The following OSMR variants were observed in gnomAD, a reference collection of about 807,000 sequenced individuals.
OSMR encodes the protein oncostatin-M-specific receptor subunit beta.
OSMR carries 81 observed loss-of-function variants against 99.9 expected under a neutral mutation model. The ratio of observed to expected loss-of-function variants is 0.81; its 90% confidence interval spans 0.68 to 0.97. The LOEUF (loss-of-function observed/expected upper bound fraction) is 0.97. Ranked by LOEUF, OSMR falls within the 50% of genes least tolerant of loss-of-function variation. The pLI, the probability that OSMR is intolerant of heterozygous loss-of-function variation, is 0.00. For missense variants in OSMR, 1,099 were observed against 1,153.4 expected (o/e 0.95, Z 0.68); for synonymous variants, 406 against 410.4 (o/e 0.99, Z 0.13).
chr5:38,933,228 C>T lies in OSMR; in HGVS notation c.2724C>T (p.Ile908=). The change falls in exon 18 of 18, where the codon ATC becomes ATT. Residue 908 remains isoleucine (I), a synonymous_variant. Transcript: ENST00000274276. ...ACTACATGAACTCCCTGGGAGAAAT[C>T]CCAGCTGGAGAAACAAGTTTGAATT... is the stretch of plus-strand genomic sequence containing the variant. ...EKNYMNSLGE[I]PAGETSLNYV... is the part of the protein sequence containing the mutation. 6.2e-7 allele frequency: 1 copy of T among 1,614,136 alleles called. No homozygotes were observed.
intron 2 of OSMR, among the ~76,000 whole-genome samples, chr5:38,874,873 A>G (rs1272861707): frequency 6.6e-6 from 1 of 152,232 alleles, no homozygotes; most frequent in Non-Finnish European, 1.5e-5. Flanking sequence ...ATTGCATGAG[A>G]CAACATAAGT....
At chr5:38,879,084 G>C (rs534215072) in intron 3 of OSMR, among the ~76,000 whole-genome samples, 1 of 152,200 alleles carries the variant, frequency 6.6e-6, no homozygotes, top group African/African-American at 2.4e-5. Context: ...TATGAGGTTC[G>C]GGTTAGGCCT....
chr5:38,872,907 A>G (rs1742504777), intron 2 of OSMR, among the ~76,000 whole-genome samples: 1 of 152,246 alleles, frequency 6.6e-6, no homozygotes, highest in Admixed American at 6.5e-5. Flanking sequence ...AGGATTATAG[A>G]AACTCAATTT....
At chr5:38,932,674 A>G (rs1746811878) in intron 17 of OSMR, 139 bp downstream of exon 17, 1 of 1,535,132 alleles carries the variant, frequency 6.5e-7, no homozygotes, top group African/African-American at 1.4e-5. Context: ...CACAGCCATG[A>G]AATAGGTGAT....
intron 2 of OSMR, chr5:38,944,433 A>G (rs181493272): frequency 6.3e-7 from 1 of 1,592,058 alleles, no homozygotes; most frequent in Admixed American, 1.9e-5. Flanking sequence ...ACTCATGCAC[A>G]TAGTTTACTC....
At chr5:38,904,615 G>C (rs557299219) in intron 9 of OSMR, 112 bp downstream of exon 9, 1 of 1,311,354 alleles carries the variant, frequency 7.6e-7, no homozygotes, top group African/African-American at 1.5e-5. Flanking sequence ...TTTAAACAGA[G>C]GCGGGGTAGC....
downstream of OSMR, chr5:38,938,999 C>T (rs1747248757): frequency 4.3e-6 from 1 of 232,962 alleles, no homozygotes; most frequent in Non-Finnish European, 8.5e-6. Context: ...AACCTTACTT[C>T]CAAAGAACAT....
At chr5:38,911,604 A>G (rs1351160369) in intron 9 of OSMR, among the ~76,000 whole-genome samples, 1 of 152,208 alleles carries the variant, frequency 6.6e-6, no homozygotes, top group East Asian at 1.9e-4. Flanking sequence ...TCAGAGACAC[A>G]ACAAAAAGAG....
intron 7 of OSMR, among the ~76,000 whole-genome samples, chr5:38,891,462 A>G: frequency 6.6e-6 from 1 of 152,224 alleles, no homozygotes. Flanking sequence ...CAGGATTTAC[A>G]AAGGAGGCAG....
intron 7 of OSMR, among the ~76,000 whole-genome samples, chr5:38,902,954 T>G (rs1177126284): frequency 4.6e-5 from 7 of 152,000 alleles, no homozygotes; most frequent in Non-Finnish European, 1.0e-4. Flanking sequence ...ATTCTCGGGG[T>G]GTATGTGTGG....
Position 38,932,867 on chromosome 5 carries a change from T to C in OSMR, c.2368-5T>C, listed in dbSNP as rs746504995. 8 of 1,613,692 alleles carry C rather than the reference T, an allele frequency of 5.0e-6. No homozygotes were observed. The South Asian group carries it at 7.7e-5, about 16-fold the overall frequency. On this transcript the variant is annotated splice_region_variant and splice_polypyrimidine_tract_variant and intron_variant, in intron 17 of 17. Coordinates refer to ENST00000274276, the MANE Select transcript of OSMR (RefSeq NM_003999.3). The stretch of plus-strand genomic sequence containing the variant: ...TATATTTACATATTTTTGTTTCCTT[T>C]CTAGGAGAACCCTCACCTAATAATA...
At chr5:38,866,209 C>T (rs142930617) in intron 1 of OSMR, among the ~76,000 whole-genome samples, 51 of 152,260 alleles carry the variant, frequency 3.3e-4, no homozygotes, top group African/African-American at 9.9e-4. Context: ...GCAAGCCTGT[C>T]CTCAGGCCTC....
In OSMR at chr5:38,881,644, G is replaced by T. The variant is rs1346951189; in HGVS notation, c.298G>T (p.Glu100Ter). The T allele has an allele frequency of 1.2e-6, 2 of 1,614,058 alleles. No homozygotes were observed. The highest frequency in any genetic ancestry group is 1.7e-5 in the Admixed American group (1 of 60,004). The change falls in exon 4 of 18, where the codon GAA (glutamate) becomes TAA (stop). Residue 100 changes from glutamate (E) to a stop codon, truncating the protein, a stop_gained. Coordinates refer to ENST00000274276, the MANE Select transcript of OSMR (RefSeq NM_003999.3). LOFTEE classifies it high-confidence loss of function. ...KWNQVLHWSW[E>*]SELPLECATH... ...GAACCAGGTTCTGCATTGGAGCTGG[G>T]AATCTGAGCTCCCTTTGGAATGTGC...
At chr5:38,875,430 C>T (rs1348354982) in intron 2 of OSMR, among the ~76,000 whole-genome samples, 1 of 152,194 alleles carries the variant, frequency 6.6e-6, no homozygotes, top group African/African-American at 2.4e-5. Context: ...TTTGCAGTGG[C>T]GCCATTGGTG....
At chr5:38,923,974 C>G (rs917925642) in intron 13 of OSMR, among the ~76,000 whole-genome samples, 4 of 152,190 alleles carry the variant, frequency 2.6e-5, no homozygotes, top group Non-Finnish European at 5.9e-5. Context: ...AACCTGGGAA[C>G]TAGAGTTCAT....
At chr5:38,945,414 A>G, downstream of OSMR, 1 of 1,017,524 alleles carries the variant, frequency 9.8e-7, no homozygotes, top group East Asian at 2.4e-5. Context: ...TAGAATACCA[A>G]AAAGAAATTT....
At chr5:38,884,454 A>G (rs1173189400) in intron 5 of OSMR, among the ~76,000 whole-genome samples, 1 of 152,202 alleles carries the variant, frequency 6.6e-6, no homozygotes, top group East Asian at 1.9e-4. Context: ...TACAGATTGG[A>G]CAACCATGGA....
downstream of OSMR, chr5:38,940,144 A>AAAAAAAAAAAAAAAAAAC (rs1561426227): frequency 7.1e-6 from 1 of 140,892 alleles, no homozygotes; most frequent in Non-Finnish European, 1.3e-5. Context: ...AAAAAAAAAC[A>AAAAAAAAAAAAAAAAAAC]AAAAAAAAAA....
intron 7 of OSMR, among the ~76,000 whole-genome samples, chr5:38,899,054 A>G (rs1445584638): frequency 2.8e-5 from 4 of 140,870 alleles, no homozygotes; most frequent in Non-Finnish European, 6.0e-5. Flanking sequence ...TCCACTTCCC[A>G]GGTTCAAGCA....
Sources: allele counts gnomAD v4.1 joint callset (sites outside exome capture counted in the v4.1 genomes callset), GRCh38; gene constraint gnomAD v4.1.1; transcripts MANE v1.5; gene names NCBI Gene and HGNC (gene_info 2026-07-23, HGNC 2026-07-21).